Variants in FCRL5 observed in about 807,000 individuals in gnomAD.
FCRL5 encodes the protein Fc receptor like 5.
FCRL5 carries 79 observed loss-of-function variants against 92.1 expected under a neutral mutation model. The observed-to-expected ratio is 0.86, with a 90% CI of 0.72 to 1.03. The LOEUF (loss-of-function observed/expected upper bound fraction) is 1.03. FCRL5 is among the 50% of genes least tolerant of loss of function. FCRL5 has a pLI of 0.00. For missense variants in FCRL5, 1,160 were observed against 1,181.1 expected (o/e 0.98, Z 0.26); for synonymous variants, 466 against 469.3 (o/e 0.99, Z 0.09).
chr1:157,543,129 A>T lies in FCRL5; in HGVS notation c.853T>A (p.Ser285Thr), dbSNP rs1319205422. The T allele has an allele frequency of 2.5e-6, 4 of 1,613,416 alleles. No homozygotes were observed. The East Asian group carries it at 8.9e-5, about 36-fold the overall frequency. Residue 285 changes from serine (S) to threonine (T), a missense_variant, in exon 6 of 17, where the codon TCT (serine) becomes ACT (threonine). Transcript: ENST00000361835. ...RSWIQVQIPA[S>T]HPVLTLSPEK... ...GGGCTGAGAGTGAGGACAGGATGAG[A>T]TGCAGGGACTGAGCAAGAGAAAAAA...
At chr1:157,515,902 G>A (rs372729553) in intron 15 of FCRL5, 29 bp from the exon 16 acceptor site, 2 of 1,612,472 alleles carry the variant, frequency 1.2e-6, no homozygotes, top group South Asian at 1.1e-5. Context: ...GTTCAGTTGT[G>A]GAAGACTGGC....
At chr1:157,535,017 C>T (rs757810924) in intron 7 of FCRL5, 125 bp from the exon 8 acceptor site, 68 of 805,854 alleles carry the variant, frequency 8.4e-5, no homozygotes, top group Non-Finnish European at 1.2e-4. Context: ...TGGAGGGCAG[C>T]CAAGCAACTT....
At chr1:157,520,875 G>T in intron 11 of FCRL5, 142 bp downstream of exon 11, 1 of 1,048,564 alleles carries the variant, frequency 9.5e-7, no homozygotes, top group Non-Finnish European at 1.4e-6. Flanking sequence ...AGCACTTCAG[G>T]AAATATAGCA....
chr1:157,524,814 C>G (rs773273438), intron 9 of FCRL5, among the ~76,000 whole-genome samples: 11 of 152,092 alleles, frequency 7.2e-5, no homozygotes, highest in Admixed American at 3.3e-4. Context: ...ACTCAGGTGT[C>G]TTAGAGGTAA....
Position 157,521,159 on chromosome 1 carries a change from G to A in FCRL5, c.2373C>T (p.Val791=), listed in dbSNP as rs1184478871. The change falls in exon 11 of 17, where the codon GTC becomes GTT. Residue 791 remains valine, a synonymous_variant. Coordinates refer to ENST00000361835, the MANE Select transcript of FCRL5 (RefSeq NM_031281.3). ...LILYRFFHED[V]TLGNRSSPSG... is the part of the protein sequence containing the mutation. ...AGGGGGACGACCTATTTCCTAGGGTGACATCCTCATGAAAAAACCGGTACA... is the reference window on the plus strand; with the variant it reads ...AGGGGGACGACCTATTTCCTAGGGTAACATCCTCATGAAAAAACCGGTACA... 1 of 1,614,180 alleles carries A rather than the reference G, an allele frequency of 6.2e-7. No homozygotes were observed. Among genetic ancestry groups the A allele is most frequent in the East Asian group, 2.2e-5 (1 of 44,866 alleles).
At chr1:157,547,577 TA>T (rs1651618815) in intron 2 of FCRL5, among the ~76,000 whole-genome samples, 1 of 152,244 alleles carries the variant, frequency 6.6e-6, no homozygotes. Context: ...GCACTTTCCC[TA>T]AGAGAATAAA....
In FCRL5 at chr1:157,549,576, AG is replaced by A. The variant is rs1370626300; in HGVS notation, c.35del (p.Pro12LeufsTer29). The stretch of plus-strand genomic sequence containing the variant: ...AGAACTCACCAAACTGTCCACTGAC[AG>A]GAGCTGCAAAAAAATAAGAGCCAGA... ...LLWVILLVLA[P>X]VSGQFARTPR... On this transcript the variant is annotated frameshift_variant, in exon 2 of 17. Coordinates refer to ENST00000361835, the MANE Select transcript of FCRL5 (RefSeq NM_031281.3). LOFTEE classifies it high-confidence loss of function. 1 of 1,612,206 alleles carries A rather than the reference AG, an allele frequency of 6.2e-7. No individual in the cohort carries two copies. Among genetic ancestry groups the A allele is most frequent in the Non-Finnish European group, 8.5e-7 (1 of 1,179,264 alleles).
At chr1:157,546,409 C>T in intron 3 of FCRL5, 1 of 334,114 alleles carries the variant, frequency 3.0e-6, no homozygotes, top group South Asian at 2.3e-5. Context: ...GATAACGCCA[C>T]TGCACTCCAG....
chr1:157,541,978 TCC>T (rs1240535581), intron 6 of FCRL5: 1 of 155,186 alleles, frequency 6.4e-6, no homozygotes, highest in Non-Finnish European at 1.4e-5. Context: ...ATTTGATGTC[TCC>T]CGCTGGGTTC....
intron 10 of FCRL5, among the ~76,000 whole-genome samples, chr1:157,523,100 T>A (rs767116869): frequency 5.9e-5 from 9 of 152,236 alleles, no homozygotes; most frequent in Non-Finnish European, 1.2e-4. Context: ...TGTGAGATGC[T>A]GGATCATGGG....
intron 7 of FCRL5, among the ~76,000 whole-genome samples, chr1:157,538,326 C>T (rs1651071966): frequency 6.6e-6 from 1 of 152,160 alleles, no homozygotes; most frequent in Non-Finnish European, 1.5e-5. Context: ...CTTCCGGGAC[C>T]AACCAAGACT....
Position 157,521,050 on chromosome 1 carries a change from G to A in FCRL5, c.2482C>T (p.Gln828Ter). ...SCEADNGLGAQRSETVTLYIT... is the reference protein window; with the variant it reads ...SCEADNGLGA ...TAAAGTGTCACTGTCTCACTGCGCT[G>A]GGCCCCGAGGCCATTGTCGGCCTCA... The change falls in exon 11 of 17, where the codon CAG (glutamine) becomes TAG (stop). Residue 828 changes from glutamine to a stop codon, truncating the protein, a stop_gained. Coordinates refer to ENST00000361835, the MANE Select transcript of FCRL5 (RefSeq NM_031281.3). LOFTEE classifies it high-confidence loss of function. 6.2e-7 allele frequency: 1 copy of A among 1,613,362 alleles called. No homozygotes were observed. The highest frequency in any genetic ancestry group is 2.2e-5 in the East Asian group (1 of 44,870).
chr1:157,519,661 C>G, intron 13 of FCRL5, 82 bp downstream of exon 13: 4 of 1,477,980 alleles, frequency 2.7e-6, no homozygotes, highest in Non-Finnish European at 3.8e-6. Flanking sequence ...AAACTGTGCT[C>G]TTGGTAATCA....
At chr1:157,532,811 C>T (rs896234130) in intron 8 of FCRL5, 18 of 152,110 alleles carry the variant, frequency 1.2e-4, no homozygotes, top group African/African-American at 4.3e-4. Context: ...AATATGCAGC[C>T]AGGGTTGAGA....
chr1:157,543,061 G>C lies in FCRL5; in HGVS notation c.921C>G (p.His307Gln), dbSNP rs1347753330. Residue 307 changes from histidine to glutamine, a missense_variant, in exon 6 of 17, where the codon CAC (histidine) becomes CAG (glutamine). His to Gln is a conservative substitution (Grantham distance 24). Coordinates refer to ENST00000361835, the MANE Select transcript of FCRL5 (RefSeq NM_031281.3). ...GCAGAGAATCTTCCTGGGTTTCACA[G>C]TGAAGTGTCACCTTGGTTCCCTCAA... The part of the protein sequence containing the change: ...LNFEGTKVTL[H>Q]CETQEDSLRT... 4 of 1,614,130 alleles carry C rather than the reference G, an allele frequency of 2.5e-6. No individual in the cohort carries two copies. The highest frequency in any genetic ancestry group is 1.3e-5 in the African/African-American group (1 of 74,952).
intron 8 of FCRL5, among the ~76,000 whole-genome samples, chr1:157,530,985 C>T (rs1039250552): frequency 6.6e-6 from 1 of 152,100 alleles, no homozygotes; most frequent in Non-Finnish European, 1.5e-5. Flanking sequence ...AATGGGATTA[C>T]ATCAAGCTGA....
At chr1:157,517,935 C>G (rs540856840) in intron 15 of FCRL5, among the ~76,000 whole-genome samples, 1 of 149,140 alleles carries the variant, frequency 6.7e-6, no homozygotes, top group Non-Finnish European at 1.5e-5. Flanking sequence ...CTCCCTCTCT[C>G]TCTGCTGTGT....
intron 2 of FCRL5, 38 bp from the exon 3 acceptor site, chr1:157,547,235 G>T (rs376037258): frequency 5.0e-6 from 8 of 1,608,920 alleles, no homozygotes; most frequent in South Asian, 1.1e-5. Context: ...AGGTGGAGGC[G>T]CCTGCAGACC....
At chr1:157,520,938 C>T (rs1650155837) in intron 11 of FCRL5, 79 bp downstream of exon 11, 15 of 1,481,280 alleles carry the variant, frequency 1.0e-5, no homozygotes, top group South Asian at 1.3e-5. Flanking sequence ...CCTTTCTGAT[C>T]AAGCACTGTG....
Sources: allele counts gnomAD v4.1 joint callset (sites outside exome capture counted in the v4.1 genomes callset), GRCh38; gene constraint gnomAD v4.1.1; transcripts MANE v1.5; gene names NCBI Gene and HGNC (gene_info 2026-07-23, HGNC 2026-07-21).